CTNNA3: variants seen among roughly 807,000 people sequenced by gnomAD.
The protein encoded by CTNNA3 is catenin alpha-3.
Under a neutral mutation model 95.7 loss-of-function variants are expected in CTNNA3, and 76 were observed. The observed-to-expected ratio is 0.79, with a 90% CI of 0.66 to 0.96. The LOEUF (loss-of-function observed/expected upper bound fraction) is 0.96. Among genes scored for constraint, CTNNA3 ranks in the 40% least tolerant of loss-of-function variants. CTNNA3 has a pLI of 0.00. For missense variants in CTNNA3, 1,191 were observed against 1,089.8 expected (o/e 1.09, Z -1.31); for synonymous variants, 431 against 374.4 (o/e 1.15, Z -1.74).
rs146713597 is a variant in CTNNA3, at chr10:66,692,996, C to T, written c.1282-71212G>A. Among the ~76,000 whole-genome samples the T allele has an allele frequency of 2.8e-3, 433 of 152,262 alleles. 2 individuals are homozygous for T. Among genetic ancestry groups the T allele is most frequent in the African/African-American group, 9.9e-3 (413 of 41,534 alleles). Reference sequence around the variant, plus strand: ...GTGGAAAGCAACAACCGGTACCAGCCACTGCAAAAGCATGCCAAATTTTAA... The same window carrying T: ...GTGGAAAGCAACAACCGGTACCAGCTACTGCAAAAGCATGCCAAATTTTAA... On this transcript the variant is annotated intron_variant, in intron 9 of 17. Coordinates refer to ENST00000433211, the MANE Select transcript of CTNNA3 (RefSeq NM_013266.4).
intron 9 of CTNNA3, among the ~76,000 whole-genome samples, chr10:66,680,166 GT>G (rs869033643): frequency 5.1e-5 from 5 of 98,082 alleles, no homozygotes; most frequent in South Asian, 6.2e-4. Context: ...CCCGACTAAT[GT>G]TTTTTTTTGT....
At chr10:66,667,702 A>G (rs910104957) in intron 9 of CTNNA3, among the ~76,000 whole-genome samples, 1 of 151,882 alleles carries the variant, frequency 6.6e-6, no homozygotes, top group African/African-American at 2.4e-5. Context: ...GTGCTGGCTC[A>G]CTCTCATTAC....
chr10:65,972,202 A>G (rs2078118717), intron 16 of CTNNA3, among the ~76,000 whole-genome samples: 1 of 152,106 alleles, frequency 6.6e-6, no homozygotes, highest in African/African-American at 2.4e-5. Flanking sequence ...AGCCAACATT[A>G]TACTTGAATG....
intron 14 of CTNNA3, among the ~76,000 whole-genome samples, chr10:66,085,377 C>A (rs1363575209): frequency 3.9e-5 from 6 of 152,054 alleles, no homozygotes; most frequent in Admixed American, 6.6e-5. Context: ...TATAATTTAA[C>A]CAGTTTTCAT....
chr10:67,106,868 G>C (rs1858666654), intron 7 of CTNNA3, among the ~76,000 whole-genome samples: 1 of 152,098 alleles, frequency 6.6e-6, no homozygotes, highest in Non-Finnish European at 1.5e-5. Context: ...GAAAATTTTA[G>C]AGATACATGA....
intron 7 of CTNNA3, among the ~76,000 whole-genome samples, chr10:67,081,338 T>G: frequency 6.6e-6 from 1 of 152,182 alleles, no homozygotes; most frequent in East Asian, 1.9e-4. Flanking sequence ...ATGAGGAGTT[T>G]TTCAATCAAT....
chr10:67,635,021 C>T (rs529187483), intron 2 of CTNNA3, among the ~76,000 whole-genome samples: 1 of 152,190 alleles, frequency 6.6e-6, no homozygotes, highest in African/African-American at 2.4e-5. Flanking sequence ...TTCTCATTCA[C>T]CACAGAGAAT....
intron 5 of CTNNA3, among the ~76,000 whole-genome samples, chr10:67,276,807 TCTACTTTTGATAATGTTAC>T (rs1188248094): frequency 3.9e-5 from 6 of 152,026 alleles, no homozygotes; most frequent in Non-Finnish European, 8.8e-5. Context: ...CATTATTTTT[TCTACTTTTGATAATGTTAC>T]AAATATTCTA....
At chr10:66,495,501 T>G (rs1417109154) in intron 11 of CTNNA3, among the ~76,000 whole-genome samples, 1 of 152,178 alleles carries the variant, frequency 6.6e-6, no homozygotes, top group African/African-American at 2.4e-5. Flanking sequence ...GATACAAAGA[T>G]CAATGTAGTA....
chr10:66,845,729 A>AAAAAAAAAAAAAAAAAAAAAC (rs1297933220), intron 7 of CTNNA3, among the ~76,000 whole-genome samples: 13 of 87,732 alleles, frequency 1.5e-4, no homozygotes, highest in East Asian at 2.6e-4. Flanking sequence ...AAAAAAAAAA[A>AAAAAAAAAAAAAAAAAAAAAC]CTAAAAAGGT....
intron 9 of CTNNA3, among the ~76,000 whole-genome samples, chr10:66,624,652 A>C (rs1844869888): frequency 6.6e-6 from 1 of 152,188 alleles, no homozygotes. Flanking sequence ...GAGAAATGAA[A>C]GGAAAAACTC....
At position 67,458,458 on chromosome 10, in the gene CTNNA3, T is replaced by C. The variant is rs573235277; in HGVS notation, c.579+63384A>G. ...GGATTATTCTATGCTGCCTGTGGGA[T>C]TCTGGGGCAGGAACAAGCTCTTTTA... On this transcript the variant is annotated intron_variant, in intron 5 of 17. Coordinates refer to ENST00000433211, the MANE Select transcript of CTNNA3 (RefSeq NM_013266.4). Among the ~76,000 whole-genome samples, 3 of 152,194 alleles carry C rather than the reference T, an allele frequency of 2.0e-5. No individual in the cohort carries two copies. In the East Asian group the frequency reaches 5.8e-4, roughly 29 times the overall value.
At chr10:66,036,204 A>G (rs1486896761) in intron 15 of CTNNA3, among the ~76,000 whole-genome samples, 2 of 152,210 alleles carry the variant, frequency 1.3e-5, no homozygotes, top group Non-Finnish European at 2.9e-5. Context: ...AATAGTGAAT[A>G]ATATTAATCA....
chr10:67,226,678 A>G (rs908090351), intron 5 of CTNNA3, among the ~76,000 whole-genome samples: 6 of 152,234 alleles, frequency 3.9e-5, no homozygotes, highest in Non-Finnish European at 8.8e-5. Context: ...AAATGCTAAG[A>G]GAATTTACCA....
intron 12 of CTNNA3, among the ~76,000 whole-genome samples, chr10:66,311,749 G>C (rs568062168): frequency 4.6e-5 from 7 of 152,192 alleles, no homozygotes; most frequent in African/African-American, 1.7e-4. Context: ...TATATGCATA[G>C]AACTCTTGTA....
intron 6 of CTNNA3, among the ~76,000 whole-genome samples, chr10:67,205,208 G>A (rs948233332): frequency 1.3e-5 from 2 of 152,136 alleles, no homozygotes; most frequent in African/African-American, 2.4e-5. Context: ...GCAGTTTGGA[G>A]GTTAAAGGCA....
intron 13 of CTNNA3, among the ~76,000 whole-genome samples, chr10:66,272,907 T>C (rs867536811): frequency 6.3e-4 from 96 of 152,278 alleles, no homozygotes; most frequent in African/African-American, 2.2e-3. Flanking sequence ...CGAACACATT[T>C]CCATTTCTGT....
intron 5 of CTNNA3, among the ~76,000 whole-genome samples, chr10:67,237,289 C>G (rs148493232): frequency 6.6e-6 from 1 of 150,490 alleles, no homozygotes; most frequent in Non-Finnish European, 1.5e-5. Context: ...GAATGGAAAA[C>G]CAAACATCAT....
chr10:66,425,375 T>C (rs906888977), intron 11 of CTNNA3, among the ~76,000 whole-genome samples: 1 of 151,774 alleles, frequency 6.6e-6, no homozygotes, highest in African/African-American at 2.4e-5. Context: ...GTGTTCTGTT[T>C]AGAATTCCTT....
Sources: gnomAD v4.1 joint callset for allele counts (sites outside exome capture counted in the v4.1 genomes callset) on GRCh38, gnomAD v4.1.1 for gene constraint, MANE v1.5 for transcripts, NCBI Gene and HGNC (gene_info 2026-07-23, HGNC 2026-07-21) for gene names.